Variants in NR1H4 observed in about 807,000 individuals in gnomAD.
The protein encoded by NR1H4 is nuclear receptor subfamily 1 group H member 4, also known as bile acid receptor.
In NR1H4, 23 loss-of-function variants were observed where a neutral mutation model predicts 58.5. That is an observed-to-expected ratio of 0.39 (90% confidence interval 0.28 to 0.56). NR1H4 has a LOEUF of 0.56. NR1H4 is among the 20% of genes least tolerant of loss of function. NR1H4 has a pLI of 0.58. For missense variants in NR1H4, 487 were observed against 576.9 expected, an observed-to-expected ratio of 0.84 and a Z score of 1.60; for synonymous variants, 214 against 198.0, an observed-to-expected ratio of 1.08 and a Z score of -0.68.
chr12:100,537,772 G>A (rs545484546), intron 8 of NR1H4, among the ~76,000 whole-genome samples: 1 of 152,322 alleles, frequency 6.6e-6, no homozygotes, highest in African/African-American at 2.4e-5. Flanking sequence ...GGAGTGCAAT[G>A]GCATGATCTT....
chr12:100,530,849 A>G (rs1031547483), intron 4 of NR1H4, among the ~76,000 whole-genome samples: 2 of 152,198 alleles, frequency 1.3e-5, no homozygotes, highest in African/African-American at 4.8e-5. Flanking sequence ...CTTCAAGACG[A>G]TCACTTGAGT....
intron 3 of NR1H4, chr12:100,503,342 C>T (rs2136129939): frequency 6.3e-7 from 1 of 1,576,472 alleles, no homozygotes; most frequent in East Asian, 2.3e-5. Context: ...TGTCCTCTCT[C>T]ACTCCTTACC....
Position 100,561,953 on chromosome 12 carries a change from C to A in NR1H4, c.1147C>A (p.Gln383Lys). 6.4e-7 allele frequency: 1 copy of A among 1,572,432 alleles called. No individual in the cohort carries two copies. Among genetic ancestry groups the A allele is most frequent in the Non-Finnish European group, 8.8e-7 (1 of 1,142,472 alleles). The change falls in exon 10 of 11, where the codon CAA becomes AAA. Residue 383 changes from glutamine to lysine, a missense_variant. Gln to Lys is a moderately conservative substitution (Grantham distance 53). Coordinates refer to ENST00000392986, the MANE Select transcript of NR1H4 (RefSeq NM_001206979.2). ...AAGTATTGGGGAACTGAAAATGACT[C>A]AAGAGGAGTATGCTCTGCTTACAGC... ...YKSIGELKMT[Q>K]EEYALLTAIV...
intron 1 of NR1H4, among the ~76,000 whole-genome samples, chr12:100,490,028 C>A (rs983548110): frequency 6.6e-5 from 10 of 152,062 alleles, no homozygotes; most frequent in African/African-American, 2.2e-4. Context: ...TTTGGGAGAG[C>A]AAGTGATAAA....
chr12:100,510,823 A>T lies in NR1H4; in HGVS notation c.125A>T (p.Glu42Val), dbSNP rs1209392603. Residue 42 changes from glutamate (E) to valine (V), a missense_variant, in exon 4 of 11, where the codon GAA becomes GTA. By Grantham distance (121) the Glu-to-Val change is moderately radical. Transcript: ENST00000392986. ...QVAGPLGQNL[E>V]VEPYSQYSNV... The stretch of plus-strand genomic sequence containing the variant: ...GCAGGTCCTCTGGGACAGAACCTGG[A>T]AGTGGAACCATACTCGCAATACAGC... The T allele has an allele frequency of 6.2e-7, 1 of 1,614,016 alleles. No individual in the cohort carries two copies. Among genetic ancestry groups the T allele is most frequent in the Non-Finnish European group, 8.5e-7 (1 of 1,180,016 alleles).
intron 9 of NR1H4, among the ~76,000 whole-genome samples, chr12:100,546,599 G>A (rs1162752143): frequency 6.6e-6 from 1 of 152,064 alleles, no homozygotes; most frequent in Non-Finnish European, 1.5e-5. Flanking sequence ...GGAGGCTGAG[G>A]CAGGAGAATT....
intron 4 of NR1H4, among the ~76,000 whole-genome samples, chr12:100,515,412 T>C (rs1181859360): frequency 6.6e-6 from 1 of 151,998 alleles, no homozygotes; most frequent in Non-Finnish European, 1.5e-5. Flanking sequence ...CCTCAGGTGA[T>C]CCACCCACCT....
intron 3 of NR1H4, among the ~76,000 whole-genome samples, chr12:100,495,082 G>A (rs948635602): frequency 5.9e-5 from 9 of 152,194 alleles, no homozygotes; most frequent in African/African-American, 1.9e-4. Context: ...CGAAGATGCC[G>A]TCAGGTTAGA....
At chr12:100,521,787 A>G (rs568412036) in intron 4 of NR1H4, among the ~76,000 whole-genome samples, 10 of 152,322 alleles carry the variant, frequency 6.6e-5, no homozygotes, top group Admixed American at 3.3e-4. Flanking sequence ...GTGCTGACCT[A>G]TATATAAACT....
At chr12:100,494,625 C>T (rs982442182) in intron 3 of NR1H4, among the ~76,000 whole-genome samples, 1 of 152,246 alleles carries the variant, frequency 6.6e-6, no homozygotes, top group African/African-American at 2.4e-5. Context: ...TATCTTCATC[C>T]TGTAGATGCA....
chr12:100,500,754 T>A (rs998122722), intron 3 of NR1H4, among the ~76,000 whole-genome samples: 1 of 152,152 alleles, frequency 6.6e-6, no homozygotes, highest in Non-Finnish European at 1.5e-5. Context: ...CTACTCTCTC[T>A]CCTGCTGCCT....
intron 3 of NR1H4, among the ~76,000 whole-genome samples, chr12:100,502,220 T>C (rs76844632): frequency 0.022 from 3,319 of 152,330 alleles, 122 homozygotes; most frequent in African/African-American, 0.076. Context: ...AATTTGTCCA[T>C]TGTCCACAGA....
At chr12:100,511,781 G>T (rs1954124549) in intron 4 of NR1H4, among the ~76,000 whole-genome samples, 1 of 152,100 alleles carries the variant, frequency 6.6e-6, no homozygotes, top group Non-Finnish European at 1.5e-5. Context: ...AATTAGCTGG[G>T]TGTGGTGGCA....
At position 100,536,998 on chromosome 12, in the gene NR1H4, G is replaced by A; in HGVS notation, c.882G>A (p.Met294Ile). ...AAAATTTTCTCATTTTGACGGAAAT[G>A]GCAACCAATCATGTACAGGTTCTTG... ...AEENFLILTEMATNHVQVLVE... is the reference protein window; with the variant it reads ...AEENFLILTEIATNHVQVLVE... Residue 294 changes from methionine (M) to isoleucine (I), a missense_variant, in exon 8 of 11, where the codon ATG (methionine) becomes ATA (isoleucine). Coordinates refer to ENST00000392986, the MANE Select transcript of NR1H4 (RefSeq NM_001206979.2). 1 of 1,603,482 alleles carries A rather than the reference G, an allele frequency of 6.2e-7. No homozygotes were observed. The highest frequency in any genetic ancestry group is 2.2e-5 in the East Asian group (1 of 44,616).
intron 9 of NR1H4, among the ~76,000 whole-genome samples, chr12:100,543,538 T>C (rs187657505): frequency 2.6e-5 from 4 of 151,876 alleles, no homozygotes; most frequent in Non-Finnish European, 2.9e-5. Context: ...TCAAGAAATA[T>C]GGATTTTGGT....
intron 4 of NR1H4, among the ~76,000 whole-genome samples, chr12:100,529,686 T>A (rs1048311449): frequency 6.6e-6 from 1 of 152,196 alleles, no homozygotes; most frequent in African/African-American, 2.4e-5. Context: ...AAAACCTTAC[T>A]TATTCTTCAA....
chr12:100,507,618 A>G (rs539649336), intron 3 of NR1H4, among the ~76,000 whole-genome samples: 1 of 152,170 alleles, frequency 6.6e-6, no homozygotes, highest in East Asian at 1.9e-4. Context: ...GTGCACCACC[A>G]AGCCCAGCTA....
chr12:100,503,432 T>A lies in NR1H4; in HGVS notation c.80-7346T>A. On this transcript the variant is annotated intron_variant, in intron 3 of 10. Transcript: ENST00000392986. Reference sequence around the variant, plus strand: ...GGTTAGAAAATCCAATTCAAATTAGTCCTCACTGCAGCTGTACGCCGTCAG... The same window carrying A: ...GGTTAGAAAATCCAATTCAAATTAGACCTCACTGCAGCTGTACGCCGTCAG... 2.5e-6 allele frequency: 4 copies of A among 1,597,810 alleles called. No homozygotes were observed. The South Asian group carries it at 3.3e-5, about 13-fold the overall frequency.
At chr12:100,513,781 C>T (rs980547697) in intron 4 of NR1H4, among the ~76,000 whole-genome samples, 4 of 138,398 alleles carry the variant, frequency 2.9e-5, no homozygotes, top group South Asian at 2.2e-4. Flanking sequence ...GATGACAGAG[C>T]GAGACTCCGT....
Sources: allele counts gnomAD v4.1 joint callset (sites outside exome capture counted in the v4.1 genomes callset), GRCh38; gene constraint gnomAD v4.1.1; transcripts MANE v1.5; gene names NCBI Gene and HGNC (gene_info 2026-07-23, HGNC 2026-07-21).